SAMD4A: variants seen among roughly 807,000 people sequenced by gnomAD.
SAMD4A encodes sterile alpha motif domain containing 4A, also known as protein Smaug homolog 1.
SAMD4A carries 33 observed loss-of-function variants against 81.3 expected under a neutral mutation model. The observed-to-expected ratio is 0.41, with a 90% CI of 0.31 to 0.54. The LOEUF (loss-of-function observed/expected upper bound fraction) is 0.54, where lower values mean the gene tolerates loss of function less well. SAMD4A is among the 20% of genes least tolerant of loss of function. The pLI, the probability that SAMD4A is intolerant of heterozygous loss-of-function variation, is 0.37. For missense variants in SAMD4A, 854 were observed against 951.1 expected, an observed-to-expected ratio of 0.90 and a Z score of 1.34; for synonymous variants, 389 against 382.1, an observed-to-expected ratio of 1.02 and a Z score of -0.21.
At chr14:54,609,264 A>T (rs1294350862) in intron 2 of SAMD4A, among the ~76,000 whole-genome samples, 1 of 152,244 alleles carries the variant, frequency 6.6e-6, no homozygotes, top group Non-Finnish European at 1.5e-5. Context: ...TCAGCCAGCC[A>T]CTGCTGACTT....
In SAMD4A at chr14:54,756,006, C is replaced by T. The variant is rs565976885; in HGVS notation, c.1177-4155C>T. Among the ~76,000 whole-genome samples, 8 of 152,234 alleles carry T rather than the reference C, an allele frequency of 5.3e-5. No individual in the cohort carries two copies. The South Asian group carries it at 1.0e-3, about 20-fold the overall frequency. ...GAGAAAATGCTTCTCTGTAAGCCTG[C>T]GCCTTTTCTTCAAACACATCCAGAT... On this transcript the variant is annotated intron_variant, in intron 6 of 12. Coordinates refer to ENST00000554335, the MANE Select transcript of SAMD4A (RefSeq NM_015589.6).
chr14:54,577,434 T>C (rs950948342), intron 2 of SAMD4A, among the ~76,000 whole-genome samples: 1 of 152,222 alleles, frequency 6.6e-6, no homozygotes, highest in African/African-American at 2.4e-5. Context: ...GGATAGCTCA[T>C]GGCTTGATGA....
At position 54,568,042 on chromosome 14, in the gene SAMD4A, G is replaced by A. The variant is rs375309468; in HGVS notation, c.126G>A (p.Gln42=). Residue 42 remains glutamine (Q), a synonymous_variant, in exon 2 of 13, where the codon CAG becomes CAA. Transcript: ENST00000554335. ...GCCAGACCCAGGCCCGCTTCCTCCA[G>A]CTCTGCCTGGAGCACTCGCTGGCCG... ...RVSQTQARFL[Q]LCLEHSLADC... is the part of the protein sequence containing the mutation. The A allele has an allele frequency of 1.2e-6, 2 of 1,601,670 alleles. No individual in the cohort carries two copies. Among genetic ancestry groups the A allele is most frequent in the Non-Finnish European group, 8.5e-7 (1 of 1,178,676 alleles).
intron 2 of SAMD4A, among the ~76,000 whole-genome samples, chr14:54,602,761 C>T (rs534546540): frequency 4.0e-5 from 6 of 150,352 alleles, no homozygotes; most frequent in Admixed American, 1.3e-4. Context: ...CAAACCTGCA[C>T]GTTGTGCACA....
chr14:54,640,025 TA>T (rs72283032), intron 2 of SAMD4A, among the ~76,000 whole-genome samples: 3,405 of 148,512 alleles, frequency 0.023, 120 homozygotes, highest in African/African-American at 0.078. Context: ...CTATGTTTGA[TA>T]AAAAAAAAAA....
At chr14:54,695,969 A>AAG (rs761767880) in intron 2 of SAMD4A, among the ~76,000 whole-genome samples, 6,203 of 149,628 alleles carry the variant, frequency 0.041, 217 homozygotes, top group East Asian at 0.14. Context: ...AAAAAAAAAA[A>AAG]AAAAGAAAAA....
rs191393499 is a variant in SAMD4A, at chr14:54,605,789, A to G, written c.196+37677A>G. ...TTCTTAAAACATTGGGGCATTAAAC[A>G]TGCCTATATATATATATATGTATAT... On this transcript the variant is annotated intron_variant, in intron 2 of 12. Coordinates refer to ENST00000554335, the MANE Select transcript of SAMD4A (RefSeq NM_015589.6). Among the ~76,000 whole-genome samples the G allele has an allele frequency of 3.2e-3, 486 of 152,036 alleles. 5 individuals are homozygous for G. The highest frequency in any genetic ancestry group is 0.01 in the Middle Eastern group (3 of 294).
At chr14:54,578,380 GTAAA>G (rs1035281829) in intron 2 of SAMD4A, among the ~76,000 whole-genome samples, 3 of 152,060 alleles carry the variant, frequency 2.0e-5, no homozygotes, top group South Asian at 2.1e-4. Context: ...GACAAGATGA[GTAAA>G]TGAATGAATG....
chr14:54,636,884 T>C (rs1214149232), intron 2 of SAMD4A, among the ~76,000 whole-genome samples: 1 of 152,110 alleles, frequency 6.6e-6, no homozygotes, highest in Non-Finnish European at 1.5e-5. Flanking sequence ...CCAAGTCCCA[T>C]TGTTGAATAG....
intron 2 of SAMD4A, among the ~76,000 whole-genome samples, chr14:54,636,931 C>T (rs546550464): frequency 9.8e-4 from 149 of 152,120 alleles, no homozygotes; most frequent in South Asian, 1.9e-3. Context: ...TAAAAGAGAC[C>T]GATCAAGGGG....
intron 2 of SAMD4A, among the ~76,000 whole-genome samples, chr14:54,669,347 A>G (rs2035823516): frequency 6.6e-6 from 1 of 152,146 alleles, no homozygotes; most frequent in Non-Finnish European, 1.5e-5. Flanking sequence ...GAAAAAAGTC[A>G]CAGGGTTGAA....
intron 2 of SAMD4A, among the ~76,000 whole-genome samples, chr14:54,595,355 T>C (rs2033883310): frequency 6.6e-6 from 1 of 151,242 alleles, no homozygotes; most frequent in Non-Finnish European, 1.5e-5. Flanking sequence ...CTTATCTTCA[T>C]AGCGGCAGAG....
chr14:54,702,429 T>C lies in SAMD4A; in HGVS notation c.564T>C (p.Asn188=). 1.2e-6 allele frequency: 2 copies of C among 1,614,082 alleles called. No homozygotes were observed. Among genetic ancestry groups the C allele is most frequent in the Non-Finnish European group, 8.5e-7 (1 of 1,179,974 alleles). Residue 188 remains asparagine, a synonymous_variant, in exon 3 of 13, where the codon AAT becomes AAC. Transcript: ENST00000554335. The part of the protein sequence containing the change: ...HQRQNSDDKL[N]GWQNSRDSGI... ...GACAGAACTCTGATGACAAGCTCAA[T>C]GGGTGGCAGAACTCTCGGGATTCTG...
Position 54,791,474 on chromosome 14 carries a change from A to T in SAMD4A, c.*2530A>T, listed in dbSNP as rs1444214845. On this transcript the variant is annotated 3_prime_UTR_variant, in exon 13 of 13. Transcript: ENST00000554335. ...TATTCCTTCACTGAATATAGAAACA[A>T]TGGTTATCTGATTATTAGAGATATT... The T allele has an allele frequency of 6.6e-6, 1 of 152,248 alleles. No homozygotes were observed. Among genetic ancestry groups the T allele is most frequent in the Non-Finnish European group, 1.5e-5 (1 of 68,044 alleles). The allele number at this position is 152,248 out of a possible 1,614,324, so 9.4% of individuals were successfully genotyped here. A position where few individuals can be genotyped will look rare whatever the true frequency, so the allele number is the denominator to read the frequency against.
At chr14:54,719,228 C>T (rs2037200559) in intron 3 of SAMD4A, among the ~76,000 whole-genome samples, 1 of 151,900 alleles carries the variant, frequency 6.6e-6, no homozygotes, top group African/African-American at 2.4e-5. Context: ...TAAAGAACCC[C>T]ACTGCCAAGT....
chr14:54,639,321 A>T (rs2035111244), intron 2 of SAMD4A, among the ~76,000 whole-genome samples: 2 of 152,230 alleles, frequency 1.3e-5, no homozygotes, highest in South Asian at 4.1e-4. Context: ...GCAGTCATGG[A>T]GATGTAAGAA....
At chr14:54,685,944 A>C (rs1285181306) in intron 2 of SAMD4A, 3 of 446,050 alleles carry the variant, frequency 6.7e-6, no homozygotes, top group Non-Finnish European at 1.4e-5. Flanking sequence ...TTGCTAAACT[A>C]TCTCTGGCCT....
At chr14:54,634,312 C>T (rs916254981) in intron 2 of SAMD4A, among the ~76,000 whole-genome samples, 1 of 150,438 alleles carries the variant, frequency 6.6e-6, no homozygotes, top group Admixed American at 6.6e-5. Context: ...GGGGGAAGTA[C>T]TGTTGAATAA....
chr14:54,688,315 C>G (rs2036333012), intron 2 of SAMD4A: 1 of 985,494 alleles, frequency 1.0e-6, no homozygotes. Flanking sequence ...CGTACTGGCT[C>G]TCACGCCCAG....
Sources: allele counts gnomAD v4.1 joint callset (sites outside exome capture counted in the v4.1 genomes callset), GRCh38; gene constraint gnomAD v4.1.1; transcripts MANE v1.5; gene names NCBI Gene and HGNC (gene_info 2026-07-23, HGNC 2026-07-21).